STAG1: variants seen among roughly 807,000 people sequenced by gnomAD.
The protein encoded by STAG1 is STAG1 cohesin complex component, also known as cohesin subunit SA-1.
STAG1 carries 26 observed loss-of-function variants against 170.9 expected under a neutral mutation model. The ratio of observed to expected loss-of-function variants is 0.15; its 90% confidence interval spans 0.11 to 0.21. The LOEUF (loss-of-function observed/expected upper bound fraction) is 0.21. Ranked by LOEUF, STAG1 falls within the 10% of genes least tolerant of loss-of-function variation. The pLI is 1.00. For missense variants in STAG1, 964 were observed against 1,509.5 expected (o/e 0.64, Z 5.99); for synonymous variants, 514 against 497.7 (o/e 1.03, Z -0.44).
Position 136,422,991 on chromosome 3 carries a change from A to G in STAG1, c.1704T>C (p.Thr568=), listed in dbSNP as rs149820944. 1.7e-4 allele frequency: 275 copies of G among 1,608,642 alleles called. 1 individual carries two copies. In the African/African-American group the frequency reaches 3.3e-3, roughly 19 times the overall value. The change falls in exon 17 of 34, where the codon ACT becomes ACC. Residue 568 remains threonine, a synonymous_variant. Transcript: ENST00000383202. ...KTQIDDRNKL[T]EHFIITLPML... Reference sequence around the variant, plus strand: ...TAGGAAGTGTAATAATAAAATGTTCAGTCAATTTGTTTCTATCATCAATTT... The same window carrying G: ...TAGGAAGTGTAATAATAAAATGTTCGGTCAATTTGTTTCTATCATCAATTT...
chr3:136,674,427 T>A (rs148443390), intron 1 of STAG1, among the ~76,000 whole-genome samples: 2 of 152,190 alleles, frequency 1.3e-5, no homozygotes, highest in East Asian at 3.8e-4. Context: ...TCCATCTATG[T>A]GAAATTCTGT....
chr3:136,589,225 G>A (rs548070234), intron 4 of STAG1, among the ~76,000 whole-genome samples: 107 of 152,260 alleles, frequency 7.0e-4, no homozygotes, highest in African/African-American at 2.3e-3. Flanking sequence ...AAGGCCGGGC[G>A]CAGTGGCACA....
intron 1 of STAG1, among the ~76,000 whole-genome samples, chr3:136,695,072 A>G (rs758660449): frequency 3.3e-5 from 5 of 152,226 alleles, no homozygotes; most frequent in South Asian, 4.1e-4. Context: ...CAACTAAGGT[A>G]TATGTCCAAT....
intron 9 of STAG1, among the ~76,000 whole-genome samples, chr3:136,493,797 A>T (rs894532929): frequency 2.0e-5 from 3 of 151,408 alleles, no homozygotes; most frequent in Non-Finnish European, 4.4e-5. Context: ...GAAACTGAGA[A>T]AGACAAAAGA....
intron 28 of STAG1, among the ~76,000 whole-genome samples, chr3:136,351,181 A>T (rs950110556): frequency 7.2e-4 from 104 of 144,554 alleles, no homozygotes; most frequent in Non-Finnish European, 1.3e-3. Context: ...CACTGTGCTT[A>T]TTTTTTTTTT....
chr3:136,723,893 C>T (rs1302177355), intron 1 of STAG1, among the ~76,000 whole-genome samples: 6 of 149,486 alleles, frequency 4.0e-5, no homozygotes, highest in Non-Finnish European at 9.0e-5. Flanking sequence ...GGGAGTCAGC[C>T]CCCCGCCCGG....
intron 6 of STAG1, among the ~76,000 whole-genome samples, chr3:136,534,216 T>C (rs1935511940): frequency 6.6e-6 from 1 of 152,128 alleles, no homozygotes; most frequent in South Asian, 2.1e-4. Flanking sequence ...TGCAGAAGAA[T>C]GAATCTGAAC....
intron 27 of STAG1, among the ~76,000 whole-genome samples, chr3:136,358,809 A>G (rs1373100762): frequency 6.6e-6 from 1 of 152,012 alleles, no homozygotes; most frequent in African/African-American, 2.4e-5. Context: ...CCTGGCCCCA[A>G]ATGATCCTCC....
chr3:136,728,026 G>T (rs1933787401), intron 1 of STAG1, among the ~76,000 whole-genome samples: 1 of 152,050 alleles, frequency 6.6e-6, no homozygotes, highest in Non-Finnish European at 1.5e-5. Context: ...AGGTGTGGTG[G>T]TGGGCAGCTG....
chr3:136,744,385 C>T (rs1278809375), intron 1 of STAG1, among the ~76,000 whole-genome samples: 1 of 152,136 alleles, frequency 6.6e-6, no homozygotes, highest in Non-Finnish European at 1.5e-5. Flanking sequence ...AGTACAACTG[C>T]TGGGGTTAAA....
intron 3 of STAG1, among the ~76,000 whole-genome samples, chr3:136,611,658 C>CTTT (rs760493827): frequency 1.1e-4 from 8 of 72,564 alleles, no homozygotes; most frequent in African/African-American, 1.8e-4. Flanking sequence ...CCACACCCAG[C>CTTT]TTTTTTTTTT....
Position 136,701,403 on chromosome 3 carries a change from C to CGT in STAG1, c.-84+50790_-84+50791dup, listed in dbSNP as rs368425530. The stretch of plus-strand genomic sequence containing the variant: ...ACACCACCACCACCATTCCCATCCT[C>CGT]GTGTGTGTGTGTGTATAAAATCCTA... On this transcript the variant is annotated intron_variant, in intron 1 of 33. Coordinates refer to ENST00000383202, the MANE Select transcript of STAG1 (RefSeq NM_005862.3). Among the ~76,000 whole-genome samples, 64 of 151,788 alleles carry CGT rather than the reference C, an allele frequency of 4.2e-4. No homozygotes were observed. The South Asian group carries it at 5.2e-3, about 12-fold the overall frequency.
intron 23 of STAG1, among the ~76,000 whole-genome samples, chr3:136,375,745 C>G (rs1018721764): frequency 7.2e-5 from 11 of 151,736 alleles, no homozygotes; most frequent in African/African-American, 1.5e-4. Context: ...CTGAGGCAGG[C>G]AGATCATGAG....
intron 5 of STAG1, among the ~76,000 whole-genome samples, chr3:136,556,185 T>C (rs909891868): frequency 6.6e-6 from 1 of 152,158 alleles, no homozygotes; most frequent in Admixed American, 6.5e-5. Flanking sequence ...AGTTCAGAAA[T>C]AAATTTAATA....
intron 15 of STAG1, among the ~76,000 whole-genome samples, chr3:136,439,946 C>T (rs1466420939): frequency 6.6e-6 from 1 of 152,088 alleles, no homozygotes; most frequent in Non-Finnish European, 1.5e-5. Context: ...TTTAAAAAAT[C>T]CAATGTAAAC....
chr3:136,366,905 G>A (rs1937093822), intron 25 of STAG1, 38 bp downstream of exon 25: 1 of 1,518,982 alleles, frequency 6.6e-7, no homozygotes, highest in African/African-American at 1.4e-5. Flanking sequence ...TTCTCTGCCA[G>A]TTAGAGGAAG....
At chr3:136,452,215 A>G (rs1411151679) in intron 13 of STAG1, 68 bp from the exon 14 acceptor site, 11 of 953,682 alleles carry the variant, frequency 1.2e-5, no homozygotes, top group Admixed American at 1.9e-5. Flanking sequence ...TCAACACACA[A>G]ATCATTTCAG....
chr3:136,463,702 A>AC (rs376115912), intron 13 of STAG1, among the ~76,000 whole-genome samples: 2,212 of 136,446 alleles, frequency 0.016, 70 homozygotes, highest in African/African-American at 0.062. Flanking sequence ...AGACAGCAAG[A>AC]CCCCATCTCT....
At position 136,616,314 on chromosome 3, in the gene STAG1, G is replaced by T. The variant is rs375279388; in HGVS notation, c.132+6832C>A. On this transcript the variant is annotated intron_variant, in intron 3 of 33. Coordinates refer to ENST00000383202, the MANE Select transcript of STAG1 (RefSeq NM_005862.3). ...CAGACCTCAAATTTCAATAGATAAAGGAGACAGGACAAGAGACTTGGAGAT... is the reference window on the plus strand; with the variant it reads ...CAGACCTCAAATTTCAATAGATAAATGAGACAGGACAAGAGACTTGGAGAT... 6.6e-5 allele frequency among the ~76,000 whole-genome samples: 10 copies of T among 151,422 alleles called. No homozygotes were observed. In the East Asian group the frequency reaches 1.7e-3, roughly 26 times the overall value.
Sources: gnomAD v4.1 joint callset for allele counts (sites outside exome capture counted in the v4.1 genomes callset) on GRCh38, gnomAD v4.1.1 for gene constraint, MANE v1.5 for transcripts, NCBI Gene and HGNC (gene_info 2026-07-23, HGNC 2026-07-21) for gene names.